The following APP variants were observed in gnomAD, a reference collection of about 807,000 sequenced individuals.
APP encodes the protein amyloid-beta precursor protein.
A neutral mutation model predicts 101.4 loss-of-function variants in APP; 31 were observed. The observed-to-expected ratio is 0.31, with a 90% CI of 0.23 to 0.41. APP has a LOEUF of 0.41. Ranked by LOEUF, APP falls within the 10% of genes least tolerant of loss-of-function variation. The probability of loss-of-function intolerance (pLI) is 1.00; values close to 1 mark genes in which losing one functional copy is unlikely to be tolerated. For synonymous variants in APP, 366 were observed against 364.4 expected, an observed-to-expected ratio of 1.00 and a Z score of -0.05; for missense variants, 839 against 1,003.7, an observed-to-expected ratio of 0.84 and a Z score of 2.22.
At chr21:25,962,574 C>G (rs2041626474) in intron 11 of APP, among the ~76,000 whole-genome samples, 1 of 152,170 alleles carries the variant, frequency 6.6e-6, no homozygotes, top group African/African-American at 2.4e-5. Flanking sequence ...GAAATACTGA[C>G]ATTAATAAAC....
intron 3 of APP, among the ~76,000 whole-genome samples, chr21:26,089,210 G>C (rs954591046): frequency 3.3e-5 from 5 of 152,140 alleles, no homozygotes; most frequent in Admixed American, 3.3e-4. Flanking sequence ...CAAAGAACTT[G>C]ACTTCTGCAA....
At chr21:26,050,819 T>TA (rs773631051) in intron 5 of APP, among the ~76,000 whole-genome samples, 181 bp downstream of exon 5, 5 of 152,348 alleles carry the variant, frequency 3.3e-5, no homozygotes, top group African/African-American at 4.8e-5. Flanking sequence ...GGGTGACTGA[T>TA]ATTATTAATT....
intron 16 of APP, among the ~76,000 whole-genome samples, chr21:25,893,373 C>T (rs892033902): frequency 6.6e-6 from 1 of 152,112 alleles, no homozygotes; most frequent in African/African-American, 2.4e-5. Flanking sequence ...AAAGCAAAAG[C>T]TAGAAATAAT....
At position 26,170,283 on chromosome 21, in the gene APP, G is replaced by A. The variant is rs563521494; in HGVS notation, c.57+281C>T. Reference sequence around the variant, plus strand: ...AAGGCAGGGACTAAGTCGGGGTCTGGGCTCAGGGTCGCCCCCTACCCTTCT... The same window carrying A: ...AAGGCAGGGACTAAGTCGGGGTCTGAGCTCAGGGTCGCCCCCTACCCTTCT... On this transcript the variant is annotated intron_variant, in intron 1 of 17. Transcript: ENST00000346798. Among the ~76,000 whole-genome samples the A allele has an allele frequency of 4.6e-5, 7 of 152,210 alleles. No homozygotes were observed. In the East Asian group the frequency reaches 1.2e-3, roughly 25 times the overall value.
intron 17 of APP, 126 bp downstream of exon 17, chr21:25,891,596 A>C: frequency 1.1e-6 from 1 of 932,728 alleles, no homozygotes; most frequent in South Asian, 1.3e-5. Context: ...CTGTAACCCA[A>C]GCATCATGGA....
chr21:26,102,077 A>G (rs1601463720), intron 2 of APP, among the ~76,000 whole-genome samples: 2 of 136,304 alleles, frequency 1.5e-5, no homozygotes. Flanking sequence ...AAGTAAAACT[A>G]TGTGGTTTTT....
intron 5 of APP, among the ~76,000 whole-genome samples, chr21:26,044,077 G>C (rs573909181): frequency 1.3e-5 from 2 of 152,266 alleles, no homozygotes; most frequent in African/African-American, 2.4e-5. Context: ...TAATTGCCTA[G>C]AAAGGTGATG....
chr21:26,159,116 TCTGTTG>T (rs1209966465), intron 1 of APP, among the ~76,000 whole-genome samples: 1 of 151,922 alleles, frequency 6.6e-6, no homozygotes, highest in East Asian at 1.9e-4. Context: ...GGAGTCTCGC[TCTGTTG>T]CCTAGGCTGG....
intron 3 of APP, among the ~76,000 whole-genome samples, chr21:26,075,973 A>T (rs1601398716): frequency 2.0e-5 from 3 of 152,072 alleles, no homozygotes; most frequent in Admixed American, 1.3e-4. Context: ...GGCTCACTGC[A>T]ATCTCCGCTT....
At chr21:26,131,893 AGTTGAATT>A (rs2062804917) in intron 1 of APP, among the ~76,000 whole-genome samples, 1 of 150,226 alleles carries the variant, frequency 6.7e-6, no homozygotes, top group Non-Finnish European at 1.5e-5. Context: ...GAATCGTGAT[AGTTGAATT>A]AAGATTTTTT....
chr21:25,967,942 TCC>T (rs1461735704), intron 11 of APP, among the ~76,000 whole-genome samples: 1 of 152,188 alleles, frequency 6.6e-6, no homozygotes, highest in Non-Finnish European at 1.5e-5. Context: ...ATTTAATTCT[TCC>T]AGGGGGAAAA....
intron 13 of APP, among the ~76,000 whole-genome samples, chr21:25,914,772 C>T (rs1277258105): frequency 6.6e-6 from 1 of 152,150 alleles, no homozygotes; most frequent in Admixed American, 6.5e-5. Flanking sequence ...CCAGGATGGT[C>T]TCCATCTCCT....
chr21:26,037,611 C>T (rs1355118312), intron 5 of APP, among the ~76,000 whole-genome samples: 3 of 152,146 alleles, frequency 2.0e-5, no homozygotes, highest in East Asian at 1.9e-4. Context: ...CTTAGAGATG[C>T]GGTAACTGTG....
At chr21:26,158,567 C>T (rs572538575) in intron 1 of APP, among the ~76,000 whole-genome samples, 10 of 152,320 alleles carry the variant, frequency 6.6e-5, no homozygotes, top group African/African-American at 2.4e-4. Flanking sequence ...TCTACAAAAG[C>T]TCCTAAACCT....
rs1185649402 is a variant in APP, at chr21:25,911,886, G to A, written c.1764C>T (p.Tyr588=). Residue 588 remains tyrosine, a synonymous_variant, in exon 14 of 18, where the codon TAC becomes TAT. Coordinates refer to ENST00000346798, the MANE Select transcript of APP (RefSeq NM_000484.4). Reference sequence around the variant, plus strand: ...AAGATGGCATGAGAGCATCGTTTCCGTAACTGATCCTTGGTTCACTAATCA... The same window carrying A: ...AAGATGGCATGAGAGCATCGTTTCCATAACTGATCCTTGGTTCACTAATCA... The part of the protein sequence containing the change: ...ANMISEPRIS[Y]GNDALMPSLT... 6 of 1,614,048 alleles carry A rather than the reference G, an allele frequency of 3.7e-6. No individual in the cohort carries two copies. Among genetic ancestry groups the A allele is most frequent in the Middle Eastern group, 1.6e-4 (1 of 6,084 alleles).
intron 1 of APP, 114 bp downstream of exon 1, chr21:26,170,450 G>A: frequency 1.8e-6 from 2 of 1,111,650 alleles, no homozygotes; most frequent in Non-Finnish European, 2.6e-6. Flanking sequence ...AGAGGAGAGG[G>A]GTCCCATTGA....
chr21:25,898,703 C>CA (rs772420722), intron 15 of APP, among the ~76,000 whole-genome samples: 90 of 152,310 alleles, frequency 5.9e-4, no homozygotes, highest in Non-Finnish European at 1.1e-3. Context: ...CCTGATTCAA[C>CA]ACAGAGCAAG....
At chr21:25,976,117 T>C in intron 9 of APP, 89 bp from the exon 10 acceptor site, 1 of 1,165,930 alleles carries the variant, frequency 8.6e-7, no homozygotes, top group Non-Finnish European at 1.3e-6. Flanking sequence ...GTTTTTCCTC[T>C]ATTTTTGTCA....
At chr21:25,983,228 C>G (rs2042507885) in intron 8 of APP, among the ~76,000 whole-genome samples, 1 of 152,140 alleles carries the variant, frequency 6.6e-6, no homozygotes, top group South Asian at 2.1e-4. Context: ...AATACCTATA[C>G]AAGCAATTTT....
Sources: allele counts gnomAD v4.1 joint callset (sites outside exome capture counted in the v4.1 genomes callset), GRCh38; gene constraint gnomAD v4.1.1; transcripts MANE v1.5; gene names NCBI Gene and HGNC (gene_info 2026-07-23, HGNC 2026-07-21).